The following MARK3 variants were observed in gnomAD, a reference collection of about 807,000 sequenced individuals.
The protein encoded by MARK3 is MAP/microtubule affinity-regulating kinase 3.
MARK3 carries 46 observed loss-of-function variants against 90.1 expected under a neutral mutation model. The observed-to-expected ratio is 0.51, with a 90% CI of 0.40 to 0.65. MARK3 has a LOEUF of 0.65. Among genes scored for constraint, MARK3 ranks in the 30% least tolerant of loss-of-function variants. The pLI, the probability that MARK3 is intolerant of heterozygous loss-of-function variation, is 0.00. For missense variants in MARK3, 818 were observed against 947.2 expected, an observed-to-expected ratio of 0.86 and a Z score of 1.79; for synonymous variants, 321 against 332.6, an observed-to-expected ratio of 0.97 and a Z score of 0.38.
intron 13 of MARK3, among the ~76,000 whole-genome samples, chr14:103,479,857 C>T (rs1005117066): frequency 1.1e-3 from 172 of 152,192 alleles, no homozygotes; most frequent in African/African-American, 3.9e-3. Context: ...TCAGGCTGGT[C>T]TCGAACTCCT....
intron 14 of MARK3, among the ~76,000 whole-genome samples, chr14:103,485,775 G>A (rs2093917621): frequency 6.6e-6 from 1 of 152,122 alleles, no homozygotes; most frequent in South Asian, 2.1e-4. Flanking sequence ...CACAAGCCCT[G>A]TCATCCCAGC....
chr14:103,438,813 C>A (rs1180328413), intron 3 of MARK3, among the ~76,000 whole-genome samples: 2 of 152,038 alleles, frequency 1.3e-5, no homozygotes, highest in Non-Finnish European at 2.9e-5. Context: ...GGCAACATGG[C>A]AAAACCCTGT....
At chr14:103,484,327 C>A (rs1195749477) in intron 14 of MARK3, among the ~76,000 whole-genome samples, 1 of 152,126 alleles carries the variant, frequency 6.6e-6, no homozygotes, top group Non-Finnish European at 1.5e-5. Flanking sequence ...CAGGCACACA[C>A]CACCACACCT....
At chr14:103,479,929 C>T (rs1292671848) in intron 13 of MARK3, among the ~76,000 whole-genome samples, 7 of 152,020 alleles carry the variant, frequency 4.6e-5, no homozygotes, top group South Asian at 2.1e-4. Context: ...TGTGAGCTAC[C>T]GCGCCCAGCC....
At chr14:103,424,197 G>A (rs370458510) in intron 2 of MARK3, among the ~76,000 whole-genome samples, 20 of 151,666 alleles carry the variant, frequency 1.3e-4, no homozygotes, top group African/African-American at 4.6e-4. Context: ...GTGACAGAGC[G>A]AGACCCTGTC....
chr14:103,457,013 A>T, intron 5 of MARK3, 129 bp from the exon 6 acceptor site: 1 of 530,756 alleles, frequency 1.9e-6, no homozygotes, highest in Non-Finnish European at 3.4e-6. Context: ...TTCAAATTCC[A>T]CATATTTCTG....
chr14:103,482,130 A>C (rs970300229), intron 14 of MARK3, among the ~76,000 whole-genome samples: 2 of 152,108 alleles, frequency 1.3e-5, no homozygotes, highest in African/African-American at 4.8e-5. Flanking sequence ...CTTAACTTTC[A>C]AATTTCTTCT....
At chr14:103,481,877 C>T (rs929198031) in intron 14 of MARK3, among the ~76,000 whole-genome samples, 11 of 147,176 alleles carry the variant, frequency 7.5e-5, no homozygotes, top group South Asian at 2.2e-4. Flanking sequence ...CGCCATTCTC[C>T]TGCCTCAGCC....
intron 3 of MARK3, among the ~76,000 whole-genome samples, chr14:103,431,317 C>T (rs1350385965): frequency 6.6e-6 from 1 of 152,074 alleles, no homozygotes; most frequent in Non-Finnish European, 1.5e-5. Context: ...GGTCTGGTCT[C>T]AAACTCCTGA....
intron 1 of MARK3, among the ~76,000 whole-genome samples, chr14:103,389,432 G>A (rs1407804896): frequency 6.9e-6 from 1 of 143,950 alleles, no homozygotes; most frequent in Non-Finnish European, 1.5e-5. Context: ...GGAGGCTGAC[G>A]TGGGAGAATC....
intron 1 of MARK3, among the ~76,000 whole-genome samples, chr14:103,396,716 A>T (rs918973307): frequency 1.1e-4 from 16 of 151,956 alleles, no homozygotes; most frequent in African/African-American, 3.9e-4. Context: ...CTGGCCTGAG[A>T]TGTCCTTCAT....
intron 14 of MARK3, 80 bp from the exon 15 acceptor site, chr14:103,491,697 C>T: frequency 1.4e-6 from 2 of 1,457,194 alleles, no homozygotes; most frequent in Non-Finnish European, 1.9e-6. Context: ...CGATTTTCTC[C>T]ACTGTGTATA....
At chr14:103,447,347 T>C (rs2093022413) in intron 3 of MARK3, among the ~76,000 whole-genome samples, 1 of 152,170 alleles carries the variant, frequency 6.6e-6, no homozygotes, top group Non-Finnish European at 1.5e-5. Flanking sequence ...GTCCATCTCC[T>C]CTTAGCTGCT....
Position 103,451,955 on chromosome 14 carries a change from C to T in MARK3, c.384C>T (p.Leu128=). The change falls in exon 5 of 18, where the codon CTC becomes CTT. Residue 128 remains leucine (L), a synonymous_variant. Transcript: ENST00000429436. ...AAGTCATTGAAACTGAAAAAACACT[C>T]TACCTAATCATGGAATATGCAAGTG... ...LFEVIETEKT[L]YLIMEYASGG... 1.2e-6 allele frequency: 2 copies of T among 1,612,374 alleles called. No individual in the cohort carries two copies. The highest frequency in any genetic ancestry group is 1.1e-5 in the South Asian group (1 of 90,762).
intron 1 of MARK3, among the ~76,000 whole-genome samples, chr14:103,400,919 G>T (rs952215648): frequency 5.9e-5 from 7 of 118,384 alleles, no homozygotes; most frequent in South Asian, 3.0e-4. Flanking sequence ...AAAAAAAAAA[G>T]TTATCAAAGA....
At chr14:103,465,253 C>T (rs1316465628) in intron 7 of MARK3, among the ~76,000 whole-genome samples, 1 of 152,164 alleles carries the variant, frequency 6.6e-6, no homozygotes, top group East Asian at 1.9e-4. Flanking sequence ...TAGGTGTGAG[C>T]CACCGTGCCC....
At chr14:103,462,551 C>A in intron 7 of MARK3, 90 bp downstream of exon 7, 2 of 848,072 alleles carry the variant, frequency 2.4e-6, no homozygotes, top group South Asian at 2.4e-5. Context: ...ATAGATTAGC[C>A]TTATTAGCAT....
intron 16 of MARK3, chr14:103,498,784 T>C (rs1319528474): frequency 3.7e-5 from 9 of 240,194 alleles, no homozygotes; most frequent in East Asian, 3.6e-4. Flanking sequence ...GGTAGAATTA[T>C]TTAGCATCCA....
chr14:103,458,681 C>T (rs2141446573), intron 6 of MARK3: 2 of 657,364 alleles, frequency 3.0e-6, no homozygotes, highest in East Asian at 5.5e-5. Context: ...GAATTATAGC[C>T]TCATTTTTTC....
Sources: gnomAD v4.1 joint callset for allele counts (sites outside exome capture counted in the v4.1 genomes callset) on GRCh38, gnomAD v4.1.1 for gene constraint, MANE v1.5 for transcripts, NCBI Gene and HGNC (gene_info 2026-07-23, HGNC 2026-07-21) for gene names.